CDH18: variants seen among roughly 807,000 people sequenced by gnomAD.
CDH18 encodes cadherin 18.
Under a neutral mutation model 67.9 loss-of-function variants are expected in CDH18, and 31 were observed. The ratio of observed to expected loss-of-function variants is 0.46; its 90% CI spans 0.34 to 0.62. The LOEUF (loss-of-function observed/expected upper bound fraction) is 0.62. CDH18 is among the 20% of genes least tolerant of loss of function. The pLI, the probability that CDH18 is intolerant of heterozygous loss-of-function variation, is 0.01. For synonymous variants in CDH18, 362 were observed against 347.2 expected, an observed-to-expected ratio of 1.04 and a Z score of -0.48; for missense variants, 890 against 975.5, an observed-to-expected ratio of 0.91 and a Z score of 1.17.
At position 19,618,211 on chromosome 5, in the gene CDH18, C is replaced by CT. The variant is rs1197243032; in HGVS notation, c.644-5611dup. 9.9e-3 allele frequency among the ~76,000 whole-genome samples: 1,441 copies of CT among 145,164 alleles called. 18 individuals are homozygous for CT. The highest frequency in any genetic ancestry group is 0.029 in the African/African-American group (1,162 of 39,866). On this transcript the variant is annotated intron_variant, in intron 5 of 12. Coordinates refer to ENST00000382275, the MANE Select transcript of CDH18 (RefSeq NM_004934.5). ...TGTGTACTTCTGCTTATTTTTCTTT[C>CT]TTTTTTTTTTTTGAGACAGAGCCTC... is the stretch of plus-strand genomic sequence containing the variant.
chr5:20,281,059 T>C (rs549532263), intron 1 of CDH18, among the ~76,000 whole-genome samples: 1 of 152,184 alleles, frequency 6.6e-6, no homozygotes, highest in African/African-American at 2.4e-5. Context: ...GGGTTGTTTG[T>C]TTTTTTCTTG....
At chr5:19,512,663 T>G (rs75817372) in intron 10 of CDH18, among the ~76,000 whole-genome samples, 137 of 152,300 alleles carry the variant, frequency 9.0e-4, no homozygotes, top group African/African-American at 3.2e-3. Context: ...AAATTCTACC[T>G]GCGTATAGCA....
chr5:19,512,494 G>A (rs1186278599), intron 10 of CDH18, among the ~76,000 whole-genome samples: 1 of 152,108 alleles, frequency 6.6e-6, no homozygotes, highest in Non-Finnish European at 1.5e-5. Flanking sequence ...GTAGTTGAGT[G>A]CTAACAAGGG....
intron 7 of CDH18, among the ~76,000 whole-genome samples, chr5:19,588,380 T>C (rs1296577982): frequency 1.3e-5 from 2 of 152,086 alleles, no homozygotes; most frequent in Non-Finnish European, 2.9e-5. Flanking sequence ...CCACCATATC[T>C]GCCTTACAAG....
intron 1 of CDH18, among the ~76,000 whole-genome samples, chr5:20,459,080 T>A (rs547177078): frequency 2.4e-4 from 36 of 152,342 alleles, no homozygotes; most frequent in African/African-American, 7.7e-4. Context: ...TGTATGCATA[T>A]GTTTGTTTTT....
intron 2 of CDH18, among the ~76,000 whole-genome samples, chr5:20,213,028 C>T (rs996594058): frequency 6.6e-6 from 1 of 152,130 alleles, no homozygotes; most frequent in African/African-American, 2.4e-5. Context: ...TAGATTTCAG[C>T]CTATCCCAGC....
At chr5:20,392,768 A>T (rs1297053945) in intron 1 of CDH18, among the ~76,000 whole-genome samples, 3 of 151,934 alleles carry the variant, frequency 2.0e-5, no homozygotes, top group African/African-American at 4.8e-5. Context: ...CAATGATGAC[A>T]TATTTACTTA....
At chr5:19,686,469 T>C (rs948983364) in intron 5 of CDH18, among the ~76,000 whole-genome samples, 5 of 152,132 alleles carry the variant, frequency 3.3e-5, no homozygotes, top group African/African-American at 7.2e-5. Flanking sequence ...GAACACCAGA[T>C]ATGGATGTTG....
chr5:20,478,234 G>A lies in CDH18; in HGVS notation c.-580+97228C>T, dbSNP rs182791433. Among the ~76,000 whole-genome samples, 3 of 152,218 alleles carry A rather than the reference G, an allele frequency of 2.0e-5. No individual in the cohort carries two copies. The East Asian group carries it at 5.8e-4, about 30-fold the overall frequency. On this transcript the variant is annotated intron_variant, in intron 1 of 14. Transcript: ENST00000507958. Reference sequence around the variant, plus strand: ...GGAGGTAAGGAGAGGAAAGAGTAAGGGAGACATTGAGATGCAGCTGGGACA... The same window carrying A: ...GGAGGTAAGGAGAGGAAAGAGTAAGAGAGACATTGAGATGCAGCTGGGACA...
intron 2 of CDH18, among the ~76,000 whole-genome samples, chr5:20,004,110 G>C (rs994350922): frequency 3.3e-5 from 5 of 152,012 alleles, no homozygotes; most frequent in African/African-American, 1.2e-4. Flanking sequence ...AAACTTCTAG[G>C]GATTGTCCTT....
chr5:19,715,271 G>A (rs572447826), intron 5 of CDH18, among the ~76,000 whole-genome samples: 13 of 152,274 alleles, frequency 8.5e-5, no homozygotes, highest in Non-Finnish European at 1.9e-4. Flanking sequence ...TATGCAGACT[G>A]AAGAAATAAT....
intron 5 of CDH18, among the ~76,000 whole-genome samples, chr5:19,685,938 C>A (rs1412459582): frequency 6.6e-6 from 1 of 152,010 alleles, no homozygotes; most frequent in Non-Finnish European, 1.5e-5. Context: ...ATTATAGCCC[C>A]AAACTGACTG....
At chr5:20,231,567 T>C (rs1742080186) in intron 2 of CDH18, among the ~76,000 whole-genome samples, 1 of 149,902 alleles carries the variant, frequency 6.7e-6, no homozygotes, top group Admixed American at 6.7e-5. Flanking sequence ...CCATTGGCAC[T>C]CCAGCCTGGG....
intron 1 of CDH18, among the ~76,000 whole-genome samples, chr5:20,412,424 C>T (rs1199349711): frequency 6.6e-6 from 1 of 152,172 alleles, no homozygotes; most frequent in African/African-American, 2.4e-5. Flanking sequence ...CTAGGAAAGA[C>T]TCTTCTGGAC....
intron 3 of CDH18, among the ~76,000 whole-genome samples, chr5:19,802,026 T>G (rs188496842): frequency 1.3e-5 from 2 of 152,208 alleles, no homozygotes; most frequent in East Asian, 3.9e-4. Context: ...AGAACAAGCA[T>G]AACAATGACA....
chr5:20,320,080 TG>T (rs1209171071), intron 1 of CDH18, among the ~76,000 whole-genome samples: 1 of 152,182 alleles, frequency 6.6e-6, no homozygotes, highest in Non-Finnish European at 1.5e-5. Flanking sequence ...ATATAAATAT[TG>T]CTCCCTTTTG....
intron 2 of CDH18, among the ~76,000 whole-genome samples, chr5:20,218,506 T>TA (rs1740959768): frequency 6.6e-6 from 1 of 151,992 alleles, no homozygotes; most frequent in African/African-American, 2.4e-5. Context: ...ACCTATGTGA[T>TA]ACCTTAAGAG....
chr5:19,787,484 C>CT, intron 3 of CDH18, among the ~76,000 whole-genome samples: 1 of 151,968 alleles, frequency 6.6e-6, no homozygotes, highest in East Asian at 1.9e-4. Flanking sequence ...ATGAGCAAGT[C>CT]TTTTAATCTT....
intron 10 of CDH18, among the ~76,000 whole-genome samples, chr5:19,505,762 T>A (rs1219942283): frequency 6.6e-6 from 1 of 152,122 alleles, no homozygotes; most frequent in Non-Finnish European, 1.5e-5. Context: ...TCATCAGGGA[T>A]ATTGGTCTAA....
Sources: allele counts gnomAD v4.1 joint callset (sites outside exome capture counted in the v4.1 genomes callset), GRCh38; gene constraint gnomAD v4.1.1; transcripts MANE v1.5; gene names NCBI Gene and HGNC (gene_info 2026-07-23, HGNC 2026-07-21).